LY96: variants seen among roughly 807,000 people sequenced by gnomAD.
The protein encoded by LY96 is lymphocyte antigen 96.
Under a neutral mutation model 18.9 loss-of-function variants are expected in LY96, and 18 were observed. The ratio of observed to expected loss-of-function variants is 0.95; its 90% CI spans 0.66 to 1.41. LY96 has a LOEUF of 1.41. Among genes scored for constraint, LY96 ranks in the 40% most tolerant of loss-of-function variants. LY96 has a pLI of 0.00. For missense variants in LY96, 175 were observed against 182.4 expected (o/e 0.96, Z 0.23); for synonymous variants, 66 against 62.6 (o/e 1.06, Z -0.26).
At chr8:74,055,228 G>A in the LY96 span, among the ~76,000 whole-genome samples, 6 of 152,078 alleles carry the variant, frequency 3.9e-5, no homozygotes, top group African/African-American at 1.4e-4. Context: ...ATTCTTAAGG[G>A]CACAGATACT....
In LY96 at chr8:73,996,364, C is replaced by CATTT. The variant is rs1563707710; in HGVS notation, c.112+4810_112+4811insATTT. ...TCCTTCCTTCCTTCCTTCCTTCCTT[C>CATTT]CTTCATTCCTTTCTTTCTTTCTTTC... On this transcript the variant is annotated intron_variant, in intron 1 of 4. Coordinates refer to ENST00000284818, the MANE Select transcript of LY96 (RefSeq NM_015364.5). Among the ~76,000 whole-genome samples the CATTT allele has an allele frequency of 3.8e-3, 342 of 89,416 alleles. 6 individuals are homozygous for CATTT. Among genetic ancestry groups the CATTT allele is most frequent in the Non-Finnish European group, 5.4e-3 (210 of 39,234 alleles). 58.7% of individuals were successfully genotyped at this position (89,416 alleles called of 152,430 possible). A position where few individuals can be genotyped will look rare whatever the true frequency, so the allele number is the denominator to read the frequency against.
At chr8:74,085,971 TA>T in the LY96 span, among the ~76,000 whole-genome samples, 2 of 152,138 alleles carry the variant, frequency 1.3e-5, no homozygotes, top group Admixed American at 6.6e-5. Flanking sequence ...CACCCTGCGG[TA>T]AATTAGATCC....
chr8:73,992,981 A>G (rs1021195198), intron 1 of LY96, among the ~76,000 whole-genome samples: 1 of 151,218 alleles, frequency 6.6e-6, no homozygotes, highest in Non-Finnish European at 1.5e-5. Flanking sequence ...CAGCCTCCTG[A>G]GTAGCTGGGA....
At chr8:74,020,103 T>G (rs1380133402) in intron 3 of LY96, among the ~76,000 whole-genome samples, 1 of 152,206 alleles carries the variant, frequency 6.6e-6, no homozygotes, top group South Asian at 2.1e-4. Flanking sequence ...TAAAGGGTAT[T>G]CAATTAGGAA....
the LY96 span, among the ~76,000 whole-genome samples, chr8:74,099,179 A>C: frequency 6.6e-6 from 1 of 152,186 alleles, no homozygotes; most frequent in South Asian, 2.1e-4. Flanking sequence ...AATACAAGTA[A>C]AATTCTAAGC....
At chr8:74,075,567 G>C in the LY96 span, among the ~76,000 whole-genome samples, 1 of 152,164 alleles carries the variant, frequency 6.6e-6, no homozygotes, top group Non-Finnish European at 1.5e-5. Context: ...CACTGTGCCT[G>C]GCTTATTGTG....
At chr8:74,047,623 G>A in the LY96 span, among the ~76,000 whole-genome samples, 1 of 152,232 alleles carries the variant, frequency 6.6e-6, no homozygotes, top group Non-Finnish European at 1.5e-5. Flanking sequence ...AATGCTGGTA[G>A]AACACTCTCT....
chr8:74,019,470 C>A (rs147251489), intron 3 of LY96, among the ~76,000 whole-genome samples: 112 of 152,232 alleles, frequency 7.4e-4, no homozygotes, highest in South Asian at 6.2e-4. Context: ...GACAGATTCA[C>A]AGCCAAATTC....
the LY96 span, among the ~76,000 whole-genome samples, chr8:74,047,344 C>T: frequency 6.6e-6 from 1 of 152,156 alleles, no homozygotes; most frequent in Non-Finnish European, 1.5e-5. Flanking sequence ...CCTTGCACAG[C>T]CAAGAAGGTG....
intron 2 of LY96, among the ~76,000 whole-genome samples, chr8:74,005,208 A>G (rs1816387185): frequency 1.3e-5 from 2 of 152,216 alleles, no homozygotes; most frequent in South Asian, 2.1e-4. Flanking sequence ...TTCAGTTGTT[A>G]GTATTCAGTC....
At chr8:74,090,313 A>G in the LY96 span, among the ~76,000 whole-genome samples, 9,199 of 152,298 alleles carry the variant, frequency 0.06, 336 homozygotes, top group African/African-American at 0.084. Flanking sequence ...CTATTGCCAC[A>G]CACAAGATCT....
At chr8:74,005,727 T>TG (rs1488082107) in intron 2 of LY96, among the ~76,000 whole-genome samples, 4 of 152,316 alleles carry the variant, frequency 2.6e-5, no homozygotes, top group Middle Eastern at 3.4e-3. Context: ...GCAGGTGGGG[T>TG]GATAGCATGG....
the LY96 span, among the ~76,000 whole-genome samples, chr8:74,064,567 C>G: frequency 6.6e-6 from 1 of 152,164 alleles, no homozygotes; most frequent in Non-Finnish European, 1.5e-5. Flanking sequence ...ACTTTTGCTC[C>G]CTCTCTGGCC....
chr8:74,011,946 T>C (rs1269789719), intron 3 of LY96, among the ~76,000 whole-genome samples: 1 of 98,770 alleles, frequency 1.0e-5, no homozygotes, highest in Non-Finnish European at 1.9e-5. Flanking sequence ...GGTCAATAGG[T>C]ATATTACTAA....
the LY96 span, among the ~76,000 whole-genome samples, chr8:74,089,014 A>G: frequency 6.6e-6 from 1 of 152,004 alleles, no homozygotes; most frequent in Non-Finnish European, 1.5e-5. Flanking sequence ...GCCTGGTGAG[A>G]GGGGGAGATG....
chr8:74,070,532 C>G, the LY96 span, among the ~76,000 whole-genome samples: 4 of 152,254 alleles, frequency 2.6e-5, no homozygotes, highest in East Asian at 7.7e-4. Context: ...TGCCATTTAA[C>G]TATGATCATT....
At chr8:74,017,131 T>C (rs950978619) in intron 3 of LY96, among the ~76,000 whole-genome samples, 2 of 152,094 alleles carry the variant, frequency 1.3e-5, no homozygotes, top group African/African-American at 4.8e-5. Flanking sequence ...TTCGAACCCA[T>C]CGCAAGGAAG....
chr8:74,040,041 G>A, the LY96 span, among the ~76,000 whole-genome samples: 8 of 152,192 alleles, frequency 5.3e-5, no homozygotes, highest in African/African-American at 1.4e-4. Context: ...GCCCTCAAGC[G>A]GCCCTTATGC....
rs544908237 is a variant in LY96, at chr8:74,014,243, C to T, written c.331+4114C>T. ...CAGCCTGGGCAAGGAGGTGAAACAC[C>T]ATCTCTGAAAAAAAAAAAAAATTAG... On this transcript the variant is annotated intron_variant, in intron 3 of 4. Transcript: ENST00000284818. 2.0e-5 allele frequency among the ~76,000 whole-genome samples: 3 copies of T among 147,828 alleles called. No individual in the cohort carries two copies. The South Asian group carries it at 6.3e-4, about 31-fold the overall frequency.
Sources: allele counts gnomAD v4.1 joint callset (sites outside exome capture counted in the v4.1 genomes callset), GRCh38; gene constraint gnomAD v4.1.1; transcripts MANE v1.5; gene names NCBI Gene and HGNC (gene_info 2026-07-23, HGNC 2026-07-21).